The following BAD variants were observed in gnomAD, a reference collection of about 807,000 sequenced individuals.
BAD encodes the protein bcl2-associated agonist of cell death.
BAD carries 18 observed loss-of-function variants against 17.8 expected under a neutral mutation model. That is an observed-to-expected ratio of 1.01 (90% CI 0.70 to 1.50). BAD has a LOEUF of 1.50. Ranked by LOEUF, BAD falls within the 40% of genes most tolerant of loss-of-function variation. BAD has a pLI of 0.00. For synonymous variants in BAD, 112 were observed against 91.5 expected (o/e 1.22, Z -1.28); for missense variants, 294 against 239.3 (o/e 1.23, Z -1.51).
In BAD at chr11:64,271,757, CGCG is replaced by C; in HGVS notation, c.231_233del (p.Ala78del). 1 of 1,445,622 alleles carries C rather than the reference CGCG, an allele frequency of 6.9e-7. No homozygotes were observed. Among genetic ancestry groups the C allele is most frequent in the South Asian group, 1.5e-5 (1 of 67,566 alleles). 89.5% of individuals were successfully genotyped at this position (1,445,622 alleles called of 1,614,324 possible). A position where few individuals can be genotyped will look rare whatever the true frequency, so the allele number is the denominator to read the frequency against. ...CCATCCCTTCGTCGTCCTCCGTCCC[CGCG>C]GGGTAGGAGCTGTGGCGACTCCGGA... On this transcript the variant is annotated inframe_deletion, in exon 3 of 4. Coordinates refer to ENST00000309032, the MANE Select transcript of BAD (RefSeq NM_032989.3).
At chr11:64,273,256 C>T (rs1273498406) in intron 2 of BAD, among the ~76,000 whole-genome samples, 2 of 152,124 alleles carry the variant, frequency 1.3e-5, no homozygotes, top group Non-Finnish European at 2.9e-5. Flanking sequence ...GCCTGTAGTC[C>T]CAGCCACTCA....
In BAD at chr11:64,284,275, A is replaced by C; in HGVS notation, c.94T>G (p.Ser32Ala). The C allele has an allele frequency of 6.2e-7, 1 of 1,611,650 alleles. No individual in the cohort carries two copies. The highest frequency in any genetic ancestry group is 1.3e-5 in the African/African-American group (1 of 75,032). ...TGGCGATGATGCTTGCCGGAGCCTG[A>C]GGGCCCGTCCCCTGCGGGGCTGGGG... ...LGPSPAGDGP[S>A]GSGKHHRQAP... Residue 32 changes from serine (S) to alanine (A), a missense_variant, in exon 2 of 4, where the codon TCA becomes GCA. By Grantham distance (99) the Ser-to-Ala change is moderately conservative. Transcript: ENST00000309032.
At chr11:64,282,750 G>C (rs925334934) in intron 2 of BAD, among the ~76,000 whole-genome samples, 1 of 151,914 alleles carries the variant, frequency 6.6e-6, no homozygotes, top group Non-Finnish European at 1.5e-5. Context: ...ATGGTGACAC[G>C]CGCCTGTAGT....
At chr11:64,273,979 G>C (rs778784219) in intron 2 of BAD, among the ~76,000 whole-genome samples, 1 of 152,104 alleles carries the variant, frequency 6.6e-6, no homozygotes, top group Non-Finnish European at 1.5e-5. Context: ...AACTGAAGGC[G>C]GGGGATAACC....
At chr11:64,274,190 A>G (rs2032864985) in intron 2 of BAD, among the ~76,000 whole-genome samples, 1 of 150,574 alleles carries the variant, frequency 6.6e-6, no homozygotes, top group African/African-American at 2.5e-5. Flanking sequence ...CAGGAGATCG[A>G]GACCATCCTA....
At chr11:64,274,992 C>CAAAAAAAAAAAAAAAA (rs34418386) in intron 2 of BAD, among the ~76,000 whole-genome samples, 3 of 54,406 alleles carry the variant, frequency 5.5e-5, no homozygotes, top group Admixed American at 2.8e-4. Flanking sequence ...GACTTTGTCT[C>CAAAAAAAAAAAAAAAA]AAAAAAAAAA....
chr11:64,284,413 T>G, intron 1 of BAD, 37 bp from the exon 2 acceptor site: 3 of 1,609,778 alleles, frequency 1.9e-6, no homozygotes, highest in Non-Finnish European at 2.5e-6. Context: ...AAGGCACAGC[T>G]GGGGCCAACG....
At chr11:64,272,431 A>G (rs557212684) in intron 2 of BAD, among the ~76,000 whole-genome samples, 113 of 152,212 alleles carry the variant, frequency 7.4e-4, no homozygotes, top group African/African-American at 2.6e-3. Context: ...GAGGAAGCCA[A>G]TCCCTTGGAT....
At position 64,270,252 on chromosome 11, in the gene BAD, C is replaced by A. The variant is rs777104570; in HGVS notation, c.464G>T (p.Trp155Leu). Residue 155 changes from tryptophan (W) to leucine (L), a missense_variant, in exon 4 of 4, where the codon TGG (tryptophan) becomes TTG (leucine). Transcript: ENST00000309032. ...SSWTRVFQSW[W>L]DRNLGRGSSA... ...GCTTCCCCTGCCCAAGTTCCGATCCCACCAGGACTGGAAGACTCGCGTCCA... is the reference window on the plus strand; with the variant it reads ...GCTTCCCCTGCCCAAGTTCCGATCCAACCAGGACTGGAAGACTCGCGTCCA... 6.2e-7 allele frequency: 1 copy of A among 1,607,136 alleles called. No individual in the cohort carries two copies. Among genetic ancestry groups the A allele is most frequent in the South Asian group, 1.1e-5 (1 of 90,696 alleles).
intron 1 of BAD, 111 bp from the exon 2 acceptor site, chr11:64,284,487 C>A: frequency 6.3e-7 from 1 of 1,585,612 alleles, no homozygotes; most frequent in Non-Finnish European, 8.5e-7. Context: ...CCCCCAGGCC[C>A]GCCAGGCCTC....
intron 2 of BAD, among the ~76,000 whole-genome samples, chr11:64,280,055 C>T (rs555358689): frequency 1.6e-4 from 24 of 151,042 alleles, no homozygotes; most frequent in Non-Finnish European, 2.2e-4. Context: ...CGGTGGCTCA[C>T]GCCTGTAATC....
intron 2 of BAD, 25 bp downstream of exon 2, chr11:64,284,157 C>T (rs2033674881): frequency 1.3e-6 from 2 of 1,546,498 alleles, no homozygotes; most frequent in Non-Finnish European, 8.7e-7. Flanking sequence ...GGTGTCCCGG[C>T]AGGTGGAGGT....
intron 2 of BAD, 71 bp downstream of exon 2, chr11:64,284,111 C>T (rs549943314): frequency 1.3e-5 from 19 of 1,492,038 alleles, no homozygotes; most frequent in Non-Finnish European, 1.6e-5. Flanking sequence ...CCTGTGGATG[C>T]AACTGGGATG....
intron 2 of BAD, among the ~76,000 whole-genome samples, chr11:64,275,464 G>A (rs1591149142): frequency 6.6e-6 from 1 of 152,068 alleles, no homozygotes; most frequent in East Asian, 1.9e-4. Flanking sequence ...GTGAAATGGG[G>A]GCAGTTCCCC....
At position 64,284,325 on chromosome 11, in the gene BAD, G is replaced by T. The variant is rs1327877393; in HGVS notation, c.44C>A (p.Ser15Tyr). Reference sequence around the variant, plus strand: ...GCCCAGGCCCCTCTCTGCAGAGCTGGAGTCTTCCTGCTCACTCGGCTCAAA... The same window carrying T: ...GCCCAGGCCCCTCTCTGCAGAGCTGTAGTCTTCCTGCTCACTCGGCTCAAA... ...PEFEPSEQED[S>Y]SSAERGLGPS... The change falls in exon 2 of 4, where the codon TCC (serine) becomes TAC (tyrosine). Residue 15 changes from serine (S) to tyrosine (Y), a missense_variant. Coordinates refer to ENST00000309032, the MANE Select transcript of BAD (RefSeq NM_032989.3). 3 of 1,612,792 alleles carry T rather than the reference G, an allele frequency of 1.9e-6. No individual in the cohort carries two copies. Among genetic ancestry groups the T allele is most frequent in the Non-Finnish European group, 1.7e-6 (2 of 1,179,974 alleles).
At chr11:64,274,263 C>T (rs1457027829) in intron 2 of BAD, among the ~76,000 whole-genome samples, 1 of 151,778 alleles carries the variant, frequency 6.6e-6, no homozygotes, top group East Asian at 2.0e-4. Context: ...TGGCTGGCGC[C>T]TTAGTTCCAG....
At chr11:64,280,272 A>G (rs1303624427) in intron 2 of BAD, among the ~76,000 whole-genome samples, 2 of 147,650 alleles carry the variant, frequency 1.4e-5, no homozygotes, top group Non-Finnish European at 3.0e-5. Flanking sequence ...GTGAGCTGAG[A>G]TGGTGCCACT....
chr11:64,271,623 T>G lies in BAD; in HGVS notation c.368A>C (p.Asp123Ala). The G allele has an allele frequency of 1.3e-6, 2 of 1,490,558 alleles. No homozygotes were observed. Among genetic ancestry groups the G allele is most frequent in the East Asian group, 2.8e-5 (1 of 36,274 alleles). The allele number at this position is 1,490,558 out of a possible 1,614,324, so 92.3% of individuals were successfully genotyped here. ...GGGACTGGCGCTCACCTTAAAGGAGTCCACAAACTCGTCACTCATCCTCCG... is the reference window on the plus strand; with the variant it reads ...GGGACTGGCGCTCACCTTAAAGGAGGCCACAAACTCGTCACTCATCCTCCG... The part of the protein sequence containing the change: ...ELRRMSDEFV[D>A]SFKKGLPRPK... The change falls in exon 3 of 4, where the codon GAC (aspartate) becomes GCC (alanine). Residue 123 changes from aspartate (D) to alanine (A), a missense_variant. Asp to Ala is a moderately radical substitution (Grantham distance 126). Transcript: ENST00000309032.
At chr11:64,284,522 T>C in intron 1 of BAD, 109 bp downstream of exon 1, 4 of 1,538,996 alleles carry the variant, frequency 2.6e-6, no homozygotes, top group South Asian at 1.2e-5. Flanking sequence ...GTCTGCCGGG[T>C]CTGGCCTGGC....
Sources: allele counts gnomAD v4.1 joint callset (sites outside exome capture counted in the v4.1 genomes callset), GRCh38; gene constraint gnomAD v4.1.1; transcripts MANE v1.5; gene names NCBI Gene and HGNC (gene_info 2026-07-23, HGNC 2026-07-21).